Variants in DOCK3 observed in about 807,000 individuals in gnomAD.
DOCK3 encodes dedicator of cytokinesis protein 3.
In DOCK3, 60 loss-of-function variants were observed where a neutral mutation model predicts 265.6. That is an observed-to-expected ratio of 0.23 (90% confidence interval 0.18 to 0.28). The LOEUF is 0.28. Ranked by LOEUF, DOCK3 falls within the 10% of genes least tolerant of loss-of-function variation. The pLI, the probability that DOCK3 is intolerant of heterozygous loss-of-function variation, is 1.00. For missense variants in DOCK3, 1,981 were observed against 2,594.3 expected (o/e 0.76, Z 5.14); for synonymous variants, 881 against 938.0 (o/e 0.94, Z 1.11).
intron 22 of DOCK3, among the ~76,000 whole-genome samples, chr3:51,254,768 T>C (rs895107897): frequency 3.3e-5 from 5 of 152,228 alleles, no homozygotes; most frequent in African/African-American, 4.8e-5. Context: ...TGTCTCTGCA[T>C]GTGAGATGGT....
At chr3:51,062,172 C>T (rs1333526949) in intron 5 of DOCK3, among the ~76,000 whole-genome samples, 1 of 152,126 alleles carries the variant, frequency 6.6e-6, no homozygotes, top group Non-Finnish European at 1.5e-5. Flanking sequence ...GTGATGCTTT[C>T]GAGACTTAAG....
At chr3:50,713,236 C>A (rs1444366217) in intron 1 of DOCK3, among the ~76,000 whole-genome samples, 1 of 152,164 alleles carries the variant, frequency 6.6e-6, no homozygotes, top group African/African-American at 2.4e-5. Context: ...GGTTCTTTAT[C>A]TTTTAGTAGG....
chr3:50,983,626 A>G (rs1490152023), intron 5 of DOCK3, among the ~76,000 whole-genome samples: 2 of 152,144 alleles, frequency 1.3e-5, no homozygotes, highest in Non-Finnish European at 2.9e-5. Context: ...TGCAGAGAGC[A>G]GCTGCCCACT....
chr3:50,959,341 T>G (rs1314361192), intron 5 of DOCK3, among the ~76,000 whole-genome samples: 1 of 152,054 alleles, frequency 6.6e-6, no homozygotes, highest in East Asian at 1.9e-4. Flanking sequence ...TTCTTTTTTT[T>G]TAATAATGAG....
rs79444556 is a variant in DOCK3 at position 50,975,454 on chromosome 3, G to T, written c.315+41377G>T. 2.3e-3 allele frequency among the ~76,000 whole-genome samples: 331 copies of T among 144,894 alleles called. 2 individuals carry two copies. The highest frequency in any genetic ancestry group is 3.6e-3 in the Non-Finnish European group (229 of 64,032). ...ATGCTGGATTACATTTATTGATTTG[G>T]GTATATTGAACCAGCCTTGCATCCC... On this transcript the variant is annotated intron_variant, in intron 5 of 52. Coordinates refer to ENST00000266037, the MANE Select transcript of DOCK3 (RefSeq NM_004947.5).
chr3:50,962,934 C>G (rs772306387), intron 5 of DOCK3, among the ~76,000 whole-genome samples: 3 of 152,212 alleles, frequency 2.0e-5, no homozygotes, highest in Non-Finnish European at 2.9e-5. Flanking sequence ...TGCCTGTAAT[C>G]CCATCACTTT....
At chr3:51,053,644 A>G (rs890245636) in intron 5 of DOCK3, among the ~76,000 whole-genome samples, 1 of 151,934 alleles carries the variant, frequency 6.6e-6, no homozygotes, top group Admixed American at 6.6e-5. Context: ...GATGGTCTCT[A>G]TCTCCTGACC....
intron 2 of DOCK3, among the ~76,000 whole-genome samples, chr3:50,790,369 T>C (rs1281579418): frequency 6.6e-6 from 1 of 152,136 alleles, no homozygotes; most frequent in East Asian, 1.9e-4. Flanking sequence ...AATACCTTGT[T>C]TGTTTTTTTC....
At chr3:50,928,676 G>A (rs1032972200) in intron 4 of DOCK3, among the ~76,000 whole-genome samples, 2 of 152,274 alleles carry the variant, frequency 1.3e-5, no homozygotes, top group Admixed American at 1.3e-4. Context: ...TGAAATGGAA[G>A]TGATTCTTTT....
At chr3:51,267,119 T>C (rs1427622084) in intron 23 of DOCK3, among the ~76,000 whole-genome samples, 2 of 152,192 alleles carry the variant, frequency 1.3e-5, no homozygotes, top group African/African-American at 2.4e-5. Context: ...CACAATGAGA[T>C]ACCATCTCAC....
chr3:50,987,561 G>A (rs755164433), intron 5 of DOCK3, among the ~76,000 whole-genome samples: 1 of 152,108 alleles, frequency 6.6e-6, no homozygotes, highest in Non-Finnish European at 1.5e-5. Flanking sequence ...GGCCAAGATG[G>A]CCCACCGGAA....
intron 12 of DOCK3, among the ~76,000 whole-genome samples, chr3:51,190,832 C>T (rs2087896582): frequency 6.6e-6 from 1 of 152,192 alleles, no homozygotes; most frequent in South Asian, 2.1e-4. Flanking sequence ...GGTCCACACC[C>T]TGGCTCTCCA....
At chr3:51,266,108 A>G (rs1245490799) in intron 23 of DOCK3, among the ~76,000 whole-genome samples, 1 of 152,220 alleles carries the variant, frequency 6.6e-6, no homozygotes, top group African/African-American at 2.4e-5. Flanking sequence ...ATACCTAGGA[A>G]TACAACTTAG....
At chr3:51,325,958 T>A (rs892583061) in intron 32 of DOCK3, among the ~76,000 whole-genome samples, 2 of 151,624 alleles carry the variant, frequency 1.3e-5, no homozygotes, top group Middle Eastern at 3.4e-3. Context: ...AAATACCTAA[T>A]GTAGAAGACA....
intron 1 of DOCK3, among the ~76,000 whole-genome samples, chr3:50,746,016 T>G (rs2039411595): frequency 6.6e-6 from 1 of 152,214 alleles, no homozygotes; most frequent in Non-Finnish European, 1.5e-5. Context: ...AGATATATAC[T>G]TTGCAAAGAT....
intron 22 of DOCK3, among the ~76,000 whole-genome samples, chr3:51,247,556 TTG>T (rs2078898246): frequency 6.6e-6 from 1 of 152,268 alleles, no homozygotes; most frequent in Non-Finnish European, 1.5e-5. Context: ...ACCTGTGTTT[TTG>T]TCCTTTTCCA....
chr3:51,306,087 A>T (rs1159891945), intron 27 of DOCK3, among the ~76,000 whole-genome samples: 1 of 151,300 alleles, frequency 6.6e-6, no homozygotes, highest in Non-Finnish European at 1.5e-5. Flanking sequence ...GCTAGTATCA[A>T]GTTCCTGGGC....
intron 2 of DOCK3, among the ~76,000 whole-genome samples, chr3:50,829,819 G>A (rs1441136024): frequency 6.6e-6 from 1 of 152,026 alleles, no homozygotes; most frequent in Non-Finnish European, 1.5e-5. Flanking sequence ...ATTGAAATTC[G>A]CTTATGGCCC....
At chr3:50,682,605 C>T (rs571098410) in intron 1 of DOCK3, among the ~76,000 whole-genome samples, 86 of 152,246 alleles carry the variant, frequency 5.6e-4, no homozygotes, top group African/African-American at 2.0e-3. Flanking sequence ...TAATGTCTTT[C>T]CAACTTTTGA....
Sources: gnomAD v4.1 joint callset for allele counts (sites outside exome capture counted in the v4.1 genomes callset) on GRCh38, gnomAD v4.1.1 for gene constraint, MANE v1.5 for transcripts, NCBI Gene and HGNC (gene_info 2026-07-23, HGNC 2026-07-21) for gene names.